AKAP6: variants seen among roughly 807,000 people sequenced by gnomAD.
The protein encoded by AKAP6 is A-kinase anchor protein 6.
AKAP6 carries 58 observed loss-of-function variants against 188.5 expected under a neutral mutation model. The observed-to-expected ratio is 0.31, with a 90% confidence interval of 0.25 to 0.38. The LOEUF is 0.38. Ranked by LOEUF, AKAP6 falls within the 10% of genes least tolerant of loss-of-function variation. The pLI, the probability that AKAP6 is intolerant of heterozygous loss-of-function variation, is 1.00. For synonymous variants in AKAP6, 989 were observed against 998.6 expected (o/e 0.99, Z 0.18); for missense variants, 2,710 against 2,740.0 (o/e 0.99, Z 0.24).
At chr14:32,702,565 A>C (rs1890656649) in intron 9 of AKAP6, among the ~76,000 whole-genome samples, 1 of 152,064 alleles carries the variant, frequency 6.6e-6, no homozygotes, top group Non-Finnish European at 1.5e-5. Flanking sequence ...AGAAAAAAAA[A>C]AAGATGTTAA....
intron 11 of AKAP6, among the ~76,000 whole-genome samples, chr14:32,741,331 C>CT (rs1224500215): frequency 2.0e-5 from 3 of 152,018 alleles, no homozygotes; most frequent in African/African-American, 7.2e-5. Context: ...TTGACATCTT[C>CT]TTTTCTGATT....
rs370730986 is a variant in AKAP6, at chr14:32,355,471, G to A, written c.-35+26063G>A. Among the ~76,000 whole-genome samples the A allele has an allele frequency of 1.4e-4, 22 of 152,226 alleles. No individual in the cohort carries two copies. In the East Asian group the frequency reaches 1.5e-3, roughly 11 times the overall value. Reference sequence around the variant, plus strand: ...TGTGCCACAGACCGTCTGGCAGGACGGGGAGGCCTCTAAATCCCTCCAGTG... The same window carrying A: ...TGTGCCACAGACCGTCTGGCAGGACAGGGAGGCCTCTAAATCCCTCCAGTG... On this transcript the variant is annotated intron_variant, in intron 1 of 13. Transcript: ENST00000280979.
intron 12 of AKAP6, among the ~76,000 whole-genome samples, chr14:32,812,857 A>G (rs2034271440): frequency 6.6e-6 from 1 of 152,314 alleles, no homozygotes; most frequent in East Asian, 1.9e-4. Context: ...TTGCTTCTCT[A>G]TAAAAAGTTT....
chr14:32,755,361 T>C (rs138541048), intron 11 of AKAP6, among the ~76,000 whole-genome samples: 1 of 151,966 alleles, frequency 6.6e-6, no homozygotes, highest in Admixed American at 6.5e-5. Context: ...ATTTTTATTG[T>C]TTCTTTTTGT....
chr14:32,462,615 C>T (rs1891367368), intron 2 of AKAP6, among the ~76,000 whole-genome samples: 1 of 152,036 alleles, frequency 6.6e-6, no homozygotes, highest in Non-Finnish European at 1.5e-5. Context: ...CCAGCCACTG[C>T]AAAAACACAC....
chr14:32,563,902 C>T (rs925388723), intron 4 of AKAP6, among the ~76,000 whole-genome samples: 6 of 152,164 alleles, frequency 3.9e-5, no homozygotes, highest in South Asian at 2.1e-4. Flanking sequence ...AATTTTGTCA[C>T]ACAACAACCT....
chr14:32,478,212 T>A (rs1451788243), intron 2 of AKAP6, among the ~76,000 whole-genome samples: 3 of 152,162 alleles, frequency 2.0e-5, no homozygotes, highest in Non-Finnish European at 4.4e-5. Context: ...CATTAGTGAA[T>A]GTTGTTGCCA....
chr14:32,533,816 T>C (rs1245223244), intron 2 of AKAP6, among the ~76,000 whole-genome samples: 1 of 152,186 alleles, frequency 6.6e-6, no homozygotes, highest in Non-Finnish European at 1.5e-5. Flanking sequence ...GACGAGCTAA[T>C]CTGGCTGTGA....
chr14:32,438,657 C>CAT (rs1890467910), intron 2 of AKAP6: 2 of 152,152 alleles, frequency 1.3e-5, no homozygotes, highest in African/African-American at 4.8e-5. Context: ...ATGAAACCTA[C>CAT]ATATTTTGCT....
intron 2 of AKAP6, among the ~76,000 whole-genome samples, chr14:32,529,047 G>A (rs1188887773): frequency 1.3e-5 from 2 of 152,106 alleles, no homozygotes; most frequent in Admixed American, 1.3e-4. Context: ...CTGAGTTGAG[G>A]CTGTACATCA....
chr14:32,491,160 A>G (rs1359006272), intron 2 of AKAP6, among the ~76,000 whole-genome samples: 1 of 152,198 alleles, frequency 6.6e-6, no homozygotes, highest in East Asian at 1.9e-4. Context: ...GTATCCCACC[A>G]GATGCTTCCT....
intron 1 of AKAP6, among the ~76,000 whole-genome samples, chr14:32,337,045 G>A (rs1275308313): frequency 1.3e-5 from 2 of 152,026 alleles, no homozygotes; most frequent in Non-Finnish European, 2.9e-5. Flanking sequence ...ATCTGTTTTT[G>A]TCTTTGTGTG....
At chr14:32,553,376 G>A (rs1321561313) in intron 4 of AKAP6, among the ~76,000 whole-genome samples, 3 of 151,938 alleles carry the variant, frequency 2.0e-5, no homozygotes, top group Non-Finnish European at 1.5e-5. Context: ...GTTTCATCAC[G>A]TTGGCCAGAC....
At chr14:32,597,762 A>T (rs1231256151) in intron 5 of AKAP6, among the ~76,000 whole-genome samples, 1 of 152,194 alleles carries the variant, frequency 6.6e-6, no homozygotes, top group African/African-American at 2.4e-5. Context: ...ATGATTCATC[A>T]TTCTGGACTC....
intron 2 of AKAP6, among the ~76,000 whole-genome samples, chr14:32,486,288 T>G (rs900081212): frequency 6.7e-6 from 1 of 149,748 alleles, no homozygotes; most frequent in African/African-American, 2.5e-5. Context: ...AGGATTGTCT[T>G]GGCTATATGG....
At chr14:32,663,054 A>G (rs1888771995) in intron 7 of AKAP6, among the ~76,000 whole-genome samples, 1 of 152,106 alleles carries the variant, frequency 6.6e-6, no homozygotes, top group South Asian at 2.1e-4. Flanking sequence ...TTTTCAGTAT[A>G]ATTATAGGCT....
intron 2 of AKAP6, among the ~76,000 whole-genome samples, chr14:32,507,315 A>G (rs1371562180): frequency 6.6e-6 from 1 of 152,212 alleles, no homozygotes; most frequent in Non-Finnish European, 1.5e-5. Flanking sequence ...GTAAGGTACA[A>G]TTCTTCCCCT....
intron 7 of AKAP6, among the ~76,000 whole-genome samples, chr14:32,640,798 A>G (rs1887722539): frequency 6.6e-6 from 1 of 152,202 alleles, no homozygotes; most frequent in South Asian, 2.1e-4. Context: ...CAGAAATGAC[A>G]CAGAAATACT....
intron 7 of AKAP6, among the ~76,000 whole-genome samples, chr14:32,605,138 C>T (rs1594777099): frequency 6.6e-6 from 1 of 151,280 alleles, no homozygotes; most frequent in African/African-American, 2.4e-5. Flanking sequence ...TTTCTAGAGA[C>T]AAATAATTTT....
Sources: allele counts gnomAD v4.1 joint callset (sites outside exome capture counted in the v4.1 genomes callset), GRCh38; gene constraint gnomAD v4.1.1; transcripts MANE v1.5; gene names NCBI Gene and HGNC (gene_info 2026-07-23, HGNC 2026-07-21).